The following LRRC8B variants were observed in gnomAD, a reference collection of about 807,000 sequenced individuals.
The protein encoded by LRRC8B is leucine rich repeat containing 8 VRAC subunit B.
Under a neutral mutation model 58.8 loss-of-function variants are expected in LRRC8B, and 23 were observed. The ratio of observed to expected loss-of-function variants is 0.39; its 90% CI spans 0.28 to 0.55. LRRC8B has a LOEUF of 0.55. Ranked by LOEUF, LRRC8B falls within the 20% of genes least tolerant of loss-of-function variation. LRRC8B has a pLI of 0.62. For synonymous variants in LRRC8B, 359 were observed against 374.1 expected, an observed-to-expected ratio of 0.96 and a Z score of 0.47; for missense variants, 694 against 936.0, an observed-to-expected ratio of 0.74 and a Z score of 3.37.
At chr1:89,528,365 A>C (rs1238229912) in intron 1 of LRRC8B, among the ~76,000 whole-genome samples, 1 of 152,176 alleles carries the variant, frequency 6.6e-6, no homozygotes, top group Non-Finnish European at 1.5e-5. Flanking sequence ...CTCAGGTAGC[A>C]GATTTAAGAG....
intron 1 of LRRC8B, among the ~76,000 whole-genome samples, chr1:89,535,993 G>A (rs569729978): frequency 1.1e-4 from 16 of 152,178 alleles, no homozygotes; most frequent in East Asian, 1.9e-4. Context: ...CTTTCCTGGG[G>A]CCCTCTGGGT....
intron 1 of LRRC8B, among the ~76,000 whole-genome samples, chr1:89,533,831 A>G (rs370191737): frequency 6.6e-6 from 1 of 152,344 alleles, no homozygotes; most frequent in African/African-American, 2.4e-5. Context: ...TTTCATTTCA[A>G]TAACGTACTT....
At chr1:89,543,656 T>A (rs1055109050) in intron 1 of LRRC8B, among the ~76,000 whole-genome samples, 22 of 152,032 alleles carry the variant, frequency 1.4e-4, no homozygotes, top group African/African-American at 5.3e-4. Context: ...CCAGCAGCCC[T>A]GGCTAATTTT....
intron 1 of LRRC8B, among the ~76,000 whole-genome samples, chr1:89,536,922 A>G (rs1183151483): frequency 1.3e-5 from 2 of 152,204 alleles, no homozygotes; most frequent in Admixed American, 6.5e-5. Flanking sequence ...TTCCCAGAAT[A>G]CACACATACT....
intron 1 of LRRC8B, among the ~76,000 whole-genome samples, chr1:89,566,146 G>A (rs1653034336): frequency 6.6e-6 from 1 of 152,130 alleles, no homozygotes; most frequent in Non-Finnish European, 1.5e-5. Context: ...TACATCCTGG[G>A]ATGCCAATAA....
intron 1 of LRRC8B, among the ~76,000 whole-genome samples, chr1:89,550,903 A>G (rs1182791897): frequency 6.6e-6 from 1 of 151,996 alleles, no homozygotes; most frequent in Non-Finnish European, 1.5e-5. Context: ...TGTATCTCTC[A>G]TGCCTTACCA....
chr1:89,588,583 A>G (rs936670098), intron 5 of LRRC8B, among the ~76,000 whole-genome samples: 4 of 152,220 alleles, frequency 2.6e-5, no homozygotes, highest in Non-Finnish European at 5.9e-5. Context: ...GAAGTCTGCC[A>G]GTCAAATTCA....
At chr1:89,553,930 C>T (rs1021981537) in intron 1 of LRRC8B, among the ~76,000 whole-genome samples, 8 of 152,128 alleles carry the variant, frequency 5.3e-5, no homozygotes, top group Non-Finnish European at 7.4e-5. Flanking sequence ...TCTGTCATTC[C>T]CTTGCTCAGA....
At position 89,583,195 on chromosome 1, in the gene LRRC8B, A is replaced by G; in HGVS notation, c.545A>G (p.Lys182Arg). 2 of 1,614,150 alleles carry G rather than the reference A, an allele frequency of 1.2e-6. No individual in the cohort carries two copies. Residue 182 changes from lysine (K) to arginine (R), a missense_variant, in exon 5 of 6, where the codon AAA becomes AGA. Around this residue, in one of 5 missense-constraint regions of LRRC8B, gnomAD observed 316 missense variants for 403.8 expected, o/e 0.78. Coordinates refer to ENST00000330947, the MANE Select transcript of LRRC8B (RefSeq NM_001369817.2). This position sits in a 1 kb window ranked among gnomAD's most constrained non-coding sequence, Gnocchi z 5.2. ...GCTGAGCAGTCAGTGAGGCCTCTGA[A>G]ACTCTCCAAGTCCAAGATTTTGCTT... Reference protein sequence around the residue: ...TVAEQSVRPLKLSKSKILLSS... With the variant: ...TVAEQSVRPLRLSKSKILLSS...
At chr1:89,548,947 A>C (rs1488003024) in intron 1 of LRRC8B, among the ~76,000 whole-genome samples, 1 of 152,208 alleles carries the variant, frequency 6.6e-6, no homozygotes, top group African/African-American at 2.4e-5. Flanking sequence ...AAGTTGGAGC[A>C]TGAAGATTGG....
intron 1 of LRRC8B, among the ~76,000 whole-genome samples, chr1:89,530,222 A>G (rs1173497490): frequency 1.3e-5 from 2 of 151,350 alleles, no homozygotes; most frequent in African/African-American, 4.8e-5. Context: ...AGCCGGGCAT[A>G]GTGGTGGGCG....
At chr1:89,545,967 G>A (rs1477218354) in intron 1 of LRRC8B, among the ~76,000 whole-genome samples, 1 of 152,190 alleles carries the variant, frequency 6.6e-6, no homozygotes, top group Non-Finnish European at 1.5e-5. Flanking sequence ...GCATGGGTGT[G>A]ATATGAATTG....
intron 3 of LRRC8B, among the ~76,000 whole-genome samples, chr1:89,575,517 TC>T (rs1474223745): frequency 6.6e-6 from 1 of 152,072 alleles, no homozygotes; most frequent in Non-Finnish European, 1.5e-5. Context: ...TAAAAAAACC[TC>T]CCACAGAATC....
At chr1:89,551,973 C>T (rs1023070449) in intron 1 of LRRC8B, among the ~76,000 whole-genome samples, 2 of 152,164 alleles carry the variant, frequency 1.3e-5, no homozygotes, top group African/African-American at 4.8e-5. Context: ...ATAGATTTGT[C>T]TGTCACTGCT....
chr1:89,557,051 C>T (rs1372615980), intron 1 of LRRC8B, among the ~76,000 whole-genome samples: 1 of 152,204 alleles, frequency 6.6e-6, no homozygotes, highest in East Asian at 1.9e-4. Context: ...TCCAAATCCC[C>T]AGTTGACAGA....
intron 1 of LRRC8B, among the ~76,000 whole-genome samples, chr1:89,563,154 A>C (rs1652806507): frequency 6.6e-6 from 1 of 152,140 alleles, no homozygotes; most frequent in Non-Finnish European, 1.5e-5. Context: ...ACATGAGTAT[A>C]GATTTTTTGT....
intron 1 of LRRC8B, among the ~76,000 whole-genome samples, chr1:89,552,482 A>G (rs1370569888): frequency 6.6e-6 from 1 of 152,228 alleles, no homozygotes; most frequent in African/African-American, 2.4e-5. Flanking sequence ...AACTCTCACT[A>G]TGTTTAGGTT....
rs147727133 is a variant in LRRC8B at position 89,575,494 on chromosome 1, C to G, written c.-124-4097C>G. Among the ~76,000 whole-genome samples the G allele has an allele frequency of 2.6e-3, 403 of 152,150 alleles. 3 individuals are homozygous for G. The highest frequency in any genetic ancestry group is 0.014 in the Middle Eastern group (4 of 294). ...CCAACCATCTGGAAGGTGTGCCAGC[C>G]AACACTATGAAGTAAAAAAACCTCC... On this transcript the variant is annotated intron_variant, in intron 3 of 5. Coordinates refer to ENST00000330947, the MANE Select transcript of LRRC8B (RefSeq NM_001369817.2).
At chr1:89,582,529 C>T in intron 4 of LRRC8B, 96 bp from the exon 5 acceptor site, 1 of 717,650 alleles carries the variant, frequency 1.4e-6, no homozygotes, top group South Asian at 1.8e-5. Context: ...GAGCTAAATC[C>T]TACTTGGGAA....
Sources: gnomAD v4.1 joint callset for allele counts (sites outside exome capture counted in the v4.1 genomes callset) on GRCh38, gnomAD v4.1.1 for gene constraint, gnomAD v4.1.1 regional missense constraint, Gnocchi (gnomAD v3.1) non-coding constraint, MANE v1.5 for transcripts, NCBI Gene and HGNC (gene_info 2026-07-23, HGNC 2026-07-21) for gene names.